Variants in ROR1 observed in about 807,000 individuals in gnomAD.
The protein encoded by ROR1 is inactive tyrosine-protein kinase transmembrane receptor ROR1.
Under a neutral mutation model 78.8 loss-of-function variants are expected in ROR1, and 19 were observed. The ratio of observed to expected loss-of-function variants is 0.24; its 90% CI spans 0.17 to 0.35. The LOEUF is 0.35. Ranked by LOEUF, ROR1 falls within the 10% of genes least tolerant of loss-of-function variation. The pLI is 1.00. For synonymous variants in ROR1, 386 were observed against 433.6 expected, an observed-to-expected ratio of 0.89 and a Z score of 1.36; for missense variants, 917 against 1,177.8, an observed-to-expected ratio of 0.78 and a Z score of 3.24.
At chr1:64,176,724 G>T (rs1460203613) in intron 8 of ROR1, among the ~76,000 whole-genome samples, 1 of 152,186 alleles carries the variant, frequency 6.6e-6, no homozygotes, top group Non-Finnish European at 1.5e-5. Flanking sequence ...GAAAACAAAG[G>T]ATTTAATCAA....
In ROR1 at chr1:63,774,621, C is replaced by T; in HGVS notation, c.91+113C>T. 1 of 471,606 alleles carries T rather than the reference C, an allele frequency of 2.1e-6. No homozygotes were observed. The highest frequency in any genetic ancestry group is 8.9e-5 in the South Asian group (1 of 11,268). The allele number at this position is 471,606 out of a possible 1,614,324, so 29.2% of individuals were successfully genotyped here. A position where few individuals can be genotyped will look rare whatever the true frequency, so the allele number is the denominator to read the frequency against. ...GAAGCGCCGCGCTGGCTCCGGGGCG[C>T]GTCCGGCCACCCGCCACGGGGCTCG... On this transcript the variant is annotated intron_variant, in intron 1 of 8. Transcript: ENST00000371079. This position sits in a 1 kb window ranked among gnomAD's most constrained non-coding sequence, Gnocchi z 5.7.
At chr1:63,885,643 A>AT (rs2100380948) in intron 1 of ROR1, among the ~76,000 whole-genome samples, 1 of 152,120 alleles carries the variant, frequency 6.6e-6, no homozygotes, top group South Asian at 2.1e-4. Context: ...TCTGGTTCCA[A>AT]TTTTCTCTCC....
chr1:63,930,765 A>G (rs530834958), intron 1 of ROR1, among the ~76,000 whole-genome samples: 18 of 152,346 alleles, frequency 1.2e-4, no homozygotes, highest in African/African-American at 3.4e-4. Context: ...AGATAGCAAT[A>G]TGTGAAGTGG....
chr1:64,101,583 T>C lies in ROR1; in HGVS notation c.483-35786T>C, dbSNP rs572354782. Among the ~76,000 whole-genome samples, 3 of 152,274 alleles carry C rather than the reference T, an allele frequency of 2.0e-5. No homozygotes were observed. The South Asian group carries it at 6.2e-4, about 32-fold the overall frequency. On this transcript the variant is annotated intron_variant, in intron 4 of 8. Transcript: ENST00000371079. ...GCTCCTGTTCTAAGAACGAAGGATATGACAGTGAAACAGGCACAAATTCTG... is the reference window on the plus strand; with the variant it reads ...GCTCCTGTTCTAAGAACGAAGGATACGACAGTGAAACAGGCACAAATTCTG...
chr1:63,991,847 G>T (rs147386412), intron 1 of ROR1, among the ~76,000 whole-genome samples: 6 of 152,292 alleles, frequency 3.9e-5, no homozygotes, highest in Non-Finnish European at 5.9e-5. Context: ...CATCACTAAT[G>T]TGGTTGTCAT....
chr1:64,080,327 C>G (rs1647090486), intron 4 of ROR1, among the ~76,000 whole-genome samples: 1 of 152,146 alleles, frequency 6.6e-6, no homozygotes, highest in South Asian at 2.1e-4. Flanking sequence ...CTGCTCAAAG[C>G]CCTACAGCGC....
chr1:64,022,349 A>G (rs1015799050), intron 2 of ROR1, among the ~76,000 whole-genome samples: 1 of 152,228 alleles, frequency 6.6e-6, no homozygotes, highest in Non-Finnish European at 1.5e-5. Context: ...AGTATATTAA[A>G]TGCCACTAAA....
At chr1:63,805,326 A>G (rs540303202) in intron 1 of ROR1, among the ~76,000 whole-genome samples, 17 of 152,332 alleles carry the variant, frequency 1.1e-4, no homozygotes, top group African/African-American at 2.9e-4. Context: ...CCACTGGCTC[A>G]GTGTGACCTT....
chr1:64,046,203 C>T (rs1027128108), intron 2 of ROR1, among the ~76,000 whole-genome samples: 1 of 152,166 alleles, frequency 6.6e-6, no homozygotes, highest in African/African-American at 2.4e-5. Context: ...GATGGTCTGA[C>T]ACACATCGCT....
At chr1:63,856,201 C>T (rs780393085) in intron 1 of ROR1, among the ~76,000 whole-genome samples, 5 of 151,802 alleles carry the variant, frequency 3.3e-5, no homozygotes, top group Non-Finnish European at 7.4e-5. Flanking sequence ...TTTTGTATTC[C>T]TACAAATATT....
chr1:64,049,620 G>A (rs1174097342), intron 2 of ROR1, 71 bp from the exon 3 acceptor site: 1 of 1,363,588 alleles, frequency 7.3e-7, no homozygotes, highest in African/African-American at 1.4e-5. Context: ...GTACACTGGA[G>A]GGGATTTGGC....
At chr1:63,853,777 A>G (rs890731056) in intron 1 of ROR1, among the ~76,000 whole-genome samples, 2 of 152,228 alleles carry the variant, frequency 1.3e-5, no homozygotes, top group African/African-American at 2.4e-5. Context: ...GTGAAACACT[A>G]TTTTTAGGAA....
At position 63,859,106 on chromosome 1, in the gene ROR1, G is replaced by A. The variant is rs1645165115; in HGVS notation, c.91+84598G>A. Among the ~76,000 whole-genome samples the A allele has an allele frequency of 2.6e-5, 4 of 152,248 alleles. No individual in the cohort carries two copies. In the Middle Eastern group the frequency reaches 0.014, roughly 518 times the overall value. ...GCTCAGCATGACTGGAGGAGTCCTG[G>A]TGTGTTTCTGTCCTCACTTGCTCCC... On this transcript the variant is annotated intron_variant, in intron 1 of 8. Transcript: ENST00000371079.
chr1:64,170,217 G>A (rs1380821519), intron 8 of ROR1, among the ~76,000 whole-genome samples: 4 of 152,202 alleles, frequency 2.6e-5, no homozygotes, highest in African/African-American at 9.6e-5. Context: ...CACCCCTGCA[G>A]CAAACTTCTG....
At chr1:64,156,705 C>CA (rs140451468) in intron 7 of ROR1, among the ~76,000 whole-genome samples, 8 of 92,592 alleles carry the variant, frequency 8.6e-5, no homozygotes, top group African/African-American at 1.7e-4. Context: ...GACTCCGTCT[C>CA]AAAAAAAAAA....
intron 1 of ROR1, among the ~76,000 whole-genome samples, chr1:63,835,980 C>T (rs952449782): frequency 6.6e-6 from 1 of 152,196 alleles, no homozygotes; most frequent in East Asian, 1.9e-4. Context: ...AAAACACTCT[C>T]TTTCTTCTTG....
intron 1 of ROR1, among the ~76,000 whole-genome samples, chr1:63,838,868 C>A (rs1645033630): frequency 6.6e-6 from 1 of 152,128 alleles, no homozygotes; most frequent in Non-Finnish European, 1.5e-5. Context: ...ATTTTTACTG[C>A]ATCTTTTATA....
At chr1:64,050,095 C>A in intron 3 of ROR1, 117 bp downstream of exon 3, 2 of 1,171,948 alleles carry the variant, frequency 1.7e-6, no homozygotes, top group Non-Finnish European at 2.4e-6. Flanking sequence ...TACTCTGTGC[C>A]CACAACCCTA....
intron 8 of ROR1, among the ~76,000 whole-genome samples, chr1:64,173,328 T>A (rs1650292047): frequency 6.6e-6 from 1 of 152,204 alleles, no homozygotes. Context: ...GCCCACTGGA[T>A]ATTGGTGAGA....
Sources: allele counts gnomAD v4.1 joint callset (sites outside exome capture counted in the v4.1 genomes callset), GRCh38; gene constraint gnomAD v4.1.1; non-coding constraint Gnocchi (gnomAD v3.1); transcripts MANE v1.5; gene names NCBI Gene and HGNC (gene_info 2026-07-23, HGNC 2026-07-21).